CACNA2D1: variants seen among roughly 807,000 people sequenced by gnomAD.
The protein encoded by CACNA2D1 is voltage-dependent calcium channel subunit alpha-2/delta-1.
CACNA2D1 carries 53 observed loss-of-function variants against 171.5 expected under a neutral mutation model. The observed-to-expected ratio is 0.31, with a 90% CI of 0.25 to 0.39. CACNA2D1 has a LOEUF of 0.39. Ranked by LOEUF, CACNA2D1 falls within the 10% of genes least tolerant of loss-of-function variation. The pLI, the probability that CACNA2D1 is intolerant of heterozygous loss-of-function variation, is 1.00. For synonymous variants in CACNA2D1, 442 were observed against 443.1 expected (o/e 1.00, Z 0.03); for missense variants, 903 against 1,299.8 (o/e 0.69, Z 4.69).
rs1327522855 is a variant in CACNA2D1, at chr7:82,032,886, C to T, written c.1054G>A (p.Ala352Thr). Residue 352 changes from alanine to threonine, a missense_variant, in exon 12 of 39, where the codon GCA (alanine) becomes ACA (threonine). Physicochemically the swap from Ala to Thr is moderately conservative, Grantham distance 58. Transcript: ENST00000356860. ...AGCATAATAATCTTATTGCAGTTTG[C>T]TCTGGAAACATTATACTGTTAAAAA... ...EQLLNYNVSR[A>T]NCNKIIMLFT... The T allele has an allele frequency of 6.3e-7, 1 of 1,587,946 alleles. No homozygotes were observed. Among genetic ancestry groups the T allele is most frequent in the South Asian group, 1.1e-5 (1 of 90,526 alleles).
At chr7:82,168,903 G>A (rs1231362000) in intron 4 of CACNA2D1, among the ~76,000 whole-genome samples, 1 of 152,060 alleles carries the variant, frequency 6.6e-6, no homozygotes, top group Admixed American at 6.6e-5. Context: ...GGCTGAGTTT[G>A]TGTGTCTGTT....
intron 10 of CACNA2D1, among the ~76,000 whole-genome samples, chr7:82,055,689 C>A (rs1423840779): frequency 7.1e-6 from 1 of 140,456 alleles, no homozygotes; most frequent in African/African-American, 2.7e-5. Context: ...TGCATGTTCT[C>A]ACTCATAGGT....
intron 3 of CACNA2D1, among the ~76,000 whole-genome samples, chr7:82,299,680 G>C (rs1187031844): frequency 6.6e-6 from 1 of 150,818 alleles, no homozygotes; most frequent in Non-Finnish European, 1.5e-5. Flanking sequence ...AAAAAAGTTA[G>C]ATGAGAGTAG....
At chr7:82,095,239 C>A (rs1811716131) in intron 6 of CACNA2D1, among the ~76,000 whole-genome samples, 1 of 152,098 alleles carries the variant, frequency 6.6e-6, no homozygotes, top group Non-Finnish European at 1.5e-5. Context: ...AGTTCAGCAT[C>A]ACCTGCTCTA....
intron 3 of CACNA2D1, among the ~76,000 whole-genome samples, chr7:82,287,242 T>A (rs1323416359): frequency 2.0e-5 from 3 of 147,016 alleles, no homozygotes; most frequent in African/African-American, 7.7e-5. Flanking sequence ...AGCTTAGACT[T>A]TTGGCTTCTT....
intron 2 of CACNA2D1, among the ~76,000 whole-genome samples, chr7:82,339,917 T>C (rs1161415711): frequency 6.6e-6 from 1 of 152,136 alleles, no homozygotes; most frequent in African/African-American, 2.4e-5. Context: ...TTACCCTAGA[T>C]AGTCAGAGTT....
chr7:82,233,518 T>G (rs1451533601), intron 3 of CACNA2D1, among the ~76,000 whole-genome samples: 1 of 152,182 alleles, frequency 6.6e-6, no homozygotes, highest in Non-Finnish European at 1.5e-5. Context: ...ATTGAAGTAT[T>G]CATTTAATTT....
intron 1 of CACNA2D1, among the ~76,000 whole-genome samples, chr7:82,437,841 A>G (rs1351702489): frequency 6.6e-6 from 1 of 152,190 alleles, no homozygotes; most frequent in Admixed American, 6.5e-5. Flanking sequence ...TATATTTTAC[A>G]AATAAAAATT....
intron 3 of CACNA2D1, among the ~76,000 whole-genome samples, chr7:82,254,776 T>A (rs1806093871): frequency 6.6e-6 from 1 of 152,190 alleles, no homozygotes; most frequent in South Asian, 2.1e-4. Context: ...TCTTCTGCTA[T>A]CATTCATCTT....
chr7:82,188,446 G>A (rs190816808), intron 3 of CACNA2D1, among the ~76,000 whole-genome samples: 1 of 152,138 alleles, frequency 6.6e-6, no homozygotes, highest in Admixed American at 6.6e-5. Context: ...GATGTAGCAA[G>A]AATCTGTCTA....
chr7:82,166,590 A>G (rs893573946), intron 4 of CACNA2D1, among the ~76,000 whole-genome samples: 3 of 152,086 alleles, frequency 2.0e-5, no homozygotes, highest in Non-Finnish European at 4.4e-5. Context: ...TCTGTTTGGT[A>G]GAAATAGCAA....
At chr7:82,214,193 G>A (rs1250289536) in intron 3 of CACNA2D1, among the ~76,000 whole-genome samples, 1 of 152,112 alleles carries the variant, frequency 6.6e-6, no homozygotes, top group East Asian at 1.9e-4. Flanking sequence ...TTTCAGGGGT[G>A]TAAGAATTCA....
At chr7:82,143,733 A>G (rs938278889) in intron 4 of CACNA2D1, among the ~76,000 whole-genome samples, 8 of 152,112 alleles carry the variant, frequency 5.3e-5, no homozygotes, top group African/African-American at 1.9e-4. Flanking sequence ...ACACCTCCAC[A>G]TATCAATCAT....
rs1806550253 is a variant in CACNA2D1 at position 82,060,182 on chromosome 7, TATATATATTATATATATA to T, written c.879+228_879+245del. ...ATATATATAATATATATATATAATA[TATATATATTATATATATA>T]TTATATATATAATATATATATAATA... On this transcript the variant is annotated intron_variant, in intron 10 of 38. Coordinates refer to ENST00000356860, the MANE Select transcript of CACNA2D1 (RefSeq NM_000722.4). Among the ~76,000 whole-genome samples the T allele has an allele frequency of 4.4e-4, 6 of 13,644 alleles. 1 individual carries two copies. Among genetic ancestry groups the T allele is most frequent in the Non-Finnish European group, 1.3e-4 (1 of 7,632 alleles). 9.0% of individuals were successfully genotyped at this position (13,644 alleles called of 152,430 possible).
chr7:82,397,843 T>TCAACAATATCAC (rs1825907033), intron 1 of CACNA2D1, among the ~76,000 whole-genome samples: 1 of 152,158 alleles, frequency 6.6e-6, no homozygotes, highest in Admixed American at 6.6e-5. Context: ...ACATTCACAC[T>TCAACAATATCAC]GCTTATTAGA....
At chr7:82,193,387 AT>A in intron 3 of CACNA2D1, among the ~76,000 whole-genome samples, 1 of 152,002 alleles carries the variant, frequency 6.6e-6, no homozygotes. Flanking sequence ...TATCTGGGAT[AT>A]TTTAGCAGTT....
chr7:82,152,909 T>A (rs1430067171), intron 4 of CACNA2D1, among the ~76,000 whole-genome samples: 1 of 151,832 alleles, frequency 6.6e-6, no homozygotes, highest in East Asian at 1.9e-4. Context: ...ACTAAGGCAA[T>A]ATCAAAATGG....
At chr7:82,287,994 C>A (rs563188622) in intron 3 of CACNA2D1, among the ~76,000 whole-genome samples, 37 of 96,544 alleles carry the variant, frequency 3.8e-4, no homozygotes, top group Non-Finnish European at 6.0e-4. Context: ...CCATGCCCGG[C>A]TAATTTTTTT....
chr7:82,042,265 G>A (rs938174869), intron 10 of CACNA2D1, among the ~76,000 whole-genome samples: 1 of 152,130 alleles, frequency 6.6e-6, no homozygotes, highest in Non-Finnish European at 1.5e-5. Context: ...TATTATGTAT[G>A]TTTTAAAAAT....
Sources: allele counts gnomAD v4.1 joint callset (sites outside exome capture counted in the v4.1 genomes callset), GRCh38; gene constraint gnomAD v4.1.1; transcripts MANE v1.5; gene names NCBI Gene and HGNC (gene_info 2026-07-23, HGNC 2026-07-21).